PRH1: variants seen among roughly 807,000 people sequenced by gnomAD.
PRH1 encodes salivary acidic proline-rich phosphoprotein 1/2.
In PRH1, 7 loss-of-function variants were observed where a neutral mutation model predicts 7.9. That is an observed-to-expected ratio of 0.89 (90% CI 0.50 to 1.67). The LOEUF is 1.67. Ranked by LOEUF, PRH1 falls within the 40% of genes most tolerant of loss-of-function variation. The probability of loss-of-function intolerance (pLI) is 0.00; values close to 1 mark genes in which losing one functional copy is unlikely to be tolerated. For synonymous variants in PRH1, 45 were observed against 80.8 expected, an observed-to-expected ratio of 0.56 and a Z score of 2.38; for missense variants, 109 against 223.6, an observed-to-expected ratio of 0.49 and a Z score of 3.27.
At chr12:11,017,973 C>T (rs1315994350) in intron 1 of PRH1, among the ~76,000 whole-genome samples, 3 of 152,160 alleles carry the variant, frequency 2.0e-5, no homozygotes. Flanking sequence ...CTAGCCTCTG[C>T]CAAAACCAGA....
At chr12:11,074,249 C>T (rs369317353) in intron 1 of PRH1, among the ~76,000 whole-genome samples, 52,824 of 106,034 alleles carry the variant, frequency 0.5, 12,341 homozygotes, top group Non-Finnish European at 0.6. Context: ...AAATAGAGAA[C>T]TTATTTGGAG....
At chr12:10,952,985 A>G (rs971505987) in intron 2 of PRH1, among the ~76,000 whole-genome samples, 7 of 152,160 alleles carry the variant, frequency 4.6e-5, no homozygotes, top group African/African-American at 1.7e-4. Context: ...GGTGCCAGAG[A>G]ACAAAGTCCG....
At chr12:10,974,748 C>T (rs191299775) in intron 1 of PRH1, among the ~76,000 whole-genome samples, 11 of 152,242 alleles carry the variant, frequency 7.2e-5, no homozygotes, top group African/African-American at 2.6e-4. Flanking sequence ...GTCTTCTTAC[C>T]TCCAAACAAC....
intron 1 of PRH1, among the ~76,000 whole-genome samples, chr12:11,111,684 C>T (rs1249865950): frequency 6.6e-6 from 1 of 152,132 alleles, no homozygotes. Context: ...GCACTAAATG[C>T]CCACAGGAGA....
chr12:11,059,681 T>TATCACTA (rs1943506075), intron 1 of PRH1, among the ~76,000 whole-genome samples: 1 of 148,898 alleles, frequency 6.7e-6, no homozygotes. Context: ...CAAGACTATA[T>TATCACTA]TATTGTCATA....
intron 2 of PRH1, among the ~76,000 whole-genome samples, chr12:10,970,562 T>TG (rs1239078157): frequency 5.7e-5 from 8 of 140,992 alleles, no homozygotes; most frequent in Non-Finnish European, 1.3e-4. Flanking sequence ...AAAGTTTTTT[T>TG]GTTTTTTTTT....
At chr12:10,883,343 C>G (rs949421005) in intron 1 of PRH1, among the ~76,000 whole-genome samples, 10 of 152,250 alleles carry the variant, frequency 6.6e-5, no homozygotes, top group East Asian at 1.9e-4. Context: ...ATTCCCCAAG[C>G]CTTGATGAGG....
intron 1 of PRH1, among the ~76,000 whole-genome samples, chr12:10,992,490 G>T (rs541925347): frequency 1.3e-5 from 2 of 152,224 alleles, no homozygotes; most frequent in South Asian, 4.1e-4. Flanking sequence ...CACAATCATA[G>T]CTTACTGCAG....
rs894292930 is a variant in PRH1, at chr12:10,931,386, C to T, written c.-59+42269G>A. On this transcript the variant is annotated intron_variant, in intron 2 of 3. Transcript: ENST00000539853. ...TTCCTTTCCTCAAACTCAAAGACTC[C>T]CATTTATTTAAAGTTTTACCTGAAC... Among the ~76,000 whole-genome samples, 16 of 152,098 alleles carry T rather than the reference C, an allele frequency of 1.1e-4. 1 individual carries two copies. The highest frequency in any genetic ancestry group is 3.9e-4 in the African/African-American group (16 of 41,418).
chr12:10,928,312 T>C (rs1313700252), intron 2 of PRH1, among the ~76,000 whole-genome samples: 1 of 152,188 alleles, frequency 6.6e-6, no homozygotes, highest in South Asian at 2.1e-4. Flanking sequence ...TTACAAATCA[T>C]CAAGTTGAAT....
Position 11,072,255 on chromosome 12 carries a change from G to A in PRH1, n.124-25067C>T, listed in dbSNP as rs9803021. The stretch of plus-strand genomic sequence containing the variant: ...TCCCAACTGTGCCTACCAAAGTTCC[G>A]GGATTGCAAGCAAGAGCCATCATAC... On this transcript the variant is annotated intron_variant and non_coding_transcript_variant, in intron 1 of 4. Transcript: ENST00000541977. 7.5e-3 allele frequency among the ~76,000 whole-genome samples: 603 copies of A among 80,424 alleles called. 1 individual carries two copies. The highest frequency in any genetic ancestry group is 0.017 in the African/African-American group (567 of 34,314). The allele number at this position is 80,424 out of a possible 152,430, so 52.8% of individuals were successfully genotyped here. A position where few individuals can be genotyped will look rare whatever the true frequency, so the allele number is the denominator to read the frequency against.
At chr12:11,160,069 TGA>T (rs1454880231) in intron 1 of PRH1, among the ~76,000 whole-genome samples, 4 of 152,134 alleles carry the variant, frequency 2.6e-5, no homozygotes, top group African/African-American at 9.7e-5. Context: ...CATGCAAAAA[TGA>T]GAGATCATTT....
intron 2 of PRH1, among the ~76,000 whole-genome samples, chr12:10,943,061 C>CA (rs1464272816): frequency 6.6e-6 from 1 of 152,234 alleles, no homozygotes. Flanking sequence ...GGGTGTCTCC[C>CA]AGGTTCTGCA....
chr12:11,168,966 T>C (rs2136480473), intron 1 of PRH1, among the ~76,000 whole-genome samples: 1 of 152,360 alleles, frequency 6.6e-6, no homozygotes, highest in East Asian at 1.9e-4. Context: ...TACTGATCAG[T>C]GTCCAAAAGG....
At chr12:11,136,570 T>C (rs34825996) in intron 1 of PRH1, among the ~76,000 whole-genome samples, 32,216 of 152,206 alleles carry the variant, frequency 0.21, 4,015 homozygotes, top group Non-Finnish European at 0.27. Context: ...CTGTCACCTT[T>C]ACCTCCAGTC....
chr12:11,170,227 T>C (rs1212660314), intron 1 of PRH1, among the ~76,000 whole-genome samples: 2 of 152,246 alleles, frequency 1.3e-5, no homozygotes, highest in Non-Finnish European at 2.9e-5. Flanking sequence ...AGATTCACTG[T>C]GCTGTTACTC....
intron 1 of PRH1, among the ~76,000 whole-genome samples, chr12:10,975,750 G>A (rs1159909521): frequency 3.8e-4 from 55 of 145,190 alleles, no homozygotes; most frequent in East Asian, 4.0e-4. Context: ...ATAAAAAATA[G>A]AAAAAAAAAA....
chr12:10,908,060 A>G, intron 2 of PRH1: 1 of 242,336 alleles, frequency 4.1e-6, no homozygotes, highest in Non-Finnish European at 7.8e-6. Flanking sequence ...TTAGAATTGA[A>G]GAGCCATTGC....
intron 1 of PRH1, among the ~76,000 whole-genome samples, chr12:11,164,189 T>C (rs933073075): frequency 6.6e-5 from 10 of 152,206 alleles, no homozygotes; most frequent in Non-Finnish European, 1.5e-4. Context: ...CATTGGAATC[T>C]GTAGACCGAG....
Sources: allele counts gnomAD v4.1 joint callset (sites outside exome capture counted in the v4.1 genomes callset), GRCh38; gene constraint gnomAD v4.1.1; transcripts MANE v1.5; gene names NCBI Gene and HGNC (gene_info 2026-07-23, HGNC 2026-07-21).